KIN: variants seen among roughly 807,000 people sequenced by gnomAD.
KIN encodes DNA/RNA-binding protein KIN17.
A neutral mutation model predicts 63.0 loss-of-function variants in KIN; 47 were observed. The observed-to-expected ratio is 0.75, with a 90% confidence interval of 0.59 to 0.95. KIN has a LOEUF of 0.95. Among genes scored for constraint, KIN ranks in the 40% least tolerant of loss-of-function variants. The probability of loss-of-function intolerance (pLI) is 0.00; values close to 1 mark genes in which losing one functional copy is unlikely to be tolerated. For missense variants in KIN, 408 were observed against 460.9 expected (o/e 0.89, Z 1.05); for synonymous variants, 160 against 157.7 (o/e 1.01, Z -0.11).
At chr10:7,768,553 A>AT (rs1371620908) in intron 8 of KIN, among the ~76,000 whole-genome samples, 23 of 149,360 alleles carry the variant, frequency 1.5e-4, no homozygotes, top group African/African-American at 5.4e-4. Flanking sequence ...AAAAAAAAAC[A>AT]TGTCACAGGT....
rs1243487113 is a variant in KIN at position 7,776,632 on chromosome 10, G to A, written c.559-833C>T. 4.6e-5 allele frequency among the ~76,000 whole-genome samples: 7 copies of A among 151,224 alleles called. No homozygotes were observed. The East Asian group carries it at 1.4e-3, about 29-fold the overall frequency. On this transcript the variant is annotated intron_variant, in intron 5 of 12. Transcript: ENST00000379562. ...TGTAATCCCAGCTACTTGGGAGGCT[G>A]AGACAGGAGAATTGCTTGAACCTGG... is the stretch of plus-strand genomic sequence containing the variant.
intron 5 of KIN, 116 bp downstream of exon 5, chr10:7,778,722 G>C: frequency 9.1e-7 from 1 of 1,093,512 alleles, no homozygotes; most frequent in South Asian, 1.5e-5. Context: ...CTGGGCGGCA[G>C]AGCAAGACTC....
Position 7,751,271 on chromosome 10 carries a change from T to A in KIN, c.*4809A>T, listed in dbSNP as rs1835241060. On this transcript the variant is annotated 3_prime_UTR_variant, in exon 13 of 13. Transcript: ENST00000379562. Reference sequence around the variant, plus strand: ...CTTTTTAAAGGCACATTTTTATGAATCTTCCTTTCCATAATCTGGTAAAAA... The same window carrying A: ...CTTTTTAAAGGCACATTTTTATGAAACTTCCTTTCCATAATCTGGTAAAAA... 6.6e-6 allele frequency: 1 copy of A among 152,250 alleles called. No homozygotes were observed. The allele number at this position is 152,250 out of a possible 1,614,324, so 9.4% of individuals were successfully genotyped here.
In KIN at chr10:7,768,639, C is replaced by A. The variant is rs375385434; in HGVS notation, c.798+577G>T. ...GTAGCAGTTGAAGGAGGGAGGCCAACCATGAAGGACTCCAATTTCTAACTG... is the reference window on the plus strand; with the variant it reads ...GTAGCAGTTGAAGGAGGGAGGCCAAACATGAAGGACTCCAATTTCTAACTG... On this transcript the variant is annotated intron_variant, in intron 8 of 12. Transcript: ENST00000379562. 2.6e-5 allele frequency among the ~76,000 whole-genome samples: 4 copies of A among 152,224 alleles called. No individual in the cohort carries two copies. The South Asian group carries it at 8.3e-4, about 32-fold the overall frequency.
At chr10:7,770,923 T>C (rs79262410) in intron 7 of KIN, among the ~76,000 whole-genome samples, 6,058 of 152,298 alleles carry the variant, frequency 0.04, 147 homozygotes, top group South Asian at 0.06. Context: ...CTATGGAGAA[T>C]TGTAGGTAAG....
At chr10:7,766,592 G>C (rs1482812075) in intron 8 of KIN, among the ~76,000 whole-genome samples, 2 of 152,012 alleles carry the variant, frequency 1.3e-5, no homozygotes, top group Non-Finnish European at 2.9e-5. Flanking sequence ...AGATAAATGA[G>C]AGTGACCAAA....
At chr10:7,780,016 A>T (rs1229838737) in intron 4 of KIN, 40 bp downstream of exon 4, 1 of 1,594,562 alleles carries the variant, frequency 6.3e-7, no homozygotes, top group Non-Finnish European at 8.6e-7. Flanking sequence ...TGAAGATTAG[A>T]AGTGGGAAAG....
chr10:7,770,153 A>T (rs950289042), intron 7 of KIN, among the ~76,000 whole-genome samples: 2 of 151,536 alleles, frequency 1.3e-5, no homozygotes, highest in Non-Finnish European at 2.9e-5. Context: ...CTGGTCTTGA[A>T]CTCTTGACCT....
chr10:7,761,098 G>T (rs556644352), intron 11 of KIN: 1 of 152,242 alleles, frequency 6.6e-6, no homozygotes, highest in East Asian at 1.9e-4. Flanking sequence ...TAGGAGGGAG[G>T]GATTAGAGAG....
intron 9 of KIN, among the ~76,000 whole-genome samples, chr10:7,765,576 T>A (rs1284914721): frequency 6.6e-6 from 1 of 152,172 alleles, no homozygotes; most frequent in Non-Finnish European, 1.5e-5. Context: ...TTTAAAACAA[T>A]AAGCAATAAT....
Position 7,783,089 on chromosome 10 carries a change from A to G in KIN, c.201T>C (p.Tyr67=). ...TTCTTTGAGTTACTTACTCTGAAAA[A>G]TAATCCATAAACTGCTGAGGATTTT... is the stretch of plus-strand genomic sequence containing the variant. The part of the protein sequence containing the change: ...ASENPQQFMD[Y]FSEEFRNDFL... Residue 67 remains tyrosine, a synonymous_variant, in exon 2 of 13, where the codon TAT becomes TAC. Transcript: ENST00000379562. 6.3e-7 allele frequency: 1 copy of G among 1,585,432 alleles called. No homozygotes were observed. Among genetic ancestry groups the G allele is most frequent in the Non-Finnish European group, 8.6e-7 (1 of 1,160,788 alleles).
At chr10:7,775,176 T>G (rs771486707) in intron 6 of KIN, among the ~76,000 whole-genome samples, 1 of 152,190 alleles carries the variant, frequency 6.6e-6, no homozygotes, top group Non-Finnish European at 1.5e-5. Context: ...TCTGTTTAGG[T>G]CTCCACGCCT....
chr10:7,771,922 A>G (rs1291727844), intron 7 of KIN, among the ~76,000 whole-genome samples: 3 of 151,964 alleles, frequency 2.0e-5, no homozygotes, highest in African/African-American at 4.8e-5. Flanking sequence ...GAAAGAAAGA[A>G]AAAGAAAATT....
At chr10:7,784,557 C>T (rs1314494424) in intron 1 of KIN, among the ~76,000 whole-genome samples, 1 of 151,964 alleles carries the variant, frequency 6.6e-6, no homozygotes, top group African/African-American at 2.4e-5. Context: ...CACTGTACTC[C>T]AGTCTGGGCA....
rs767414736 is a variant in KIN, at chr10:7,778,928, C to T, written c.468G>A (p.Glu156=). The T allele has an allele frequency of 1.9e-6, 3 of 1,613,782 alleles. No individual in the cohort carries two copies. The African/African-American group carries it at 4.0e-5, about 22-fold the overall frequency. The change falls in exon 5 of 13, where the codon GAG becomes GAA. Residue 156 remains glutamate, a synonymous_variant. Coordinates refer to ENST00000379562, the MANE Select transcript of KIN (RefSeq NM_012311.4). ...PETIRRQLEL[E]KKKKQDLDDE... is the part of the protein sequence containing the mutation. The stretch of plus-strand genomic sequence containing the variant: ...CATCAAGGTCCTGCTTTTTCTTTTT[C>T]TCCAGTTCCAGTTGCCGGCGGATAG...
Position 7,776,941 on chromosome 10 carries a change from C to T in KIN, c.559-1142G>A, listed in dbSNP as rs1200432285. Among the ~76,000 whole-genome samples, 5 of 149,988 alleles carry T rather than the reference C, an allele frequency of 3.3e-5. No homozygotes were observed. In the Admixed American group the frequency reaches 3.3e-4, roughly 10 times the overall value. On this transcript the variant is annotated intron_variant, in intron 5 of 12. Transcript: ENST00000379562. ...AGGCATTGTGGTGCACACCTATAGT[C>T]CCAGCTACTCATATGAGGCAAGAGG...
chr10:7,761,257 T>C (rs1325673676), intron 11 of KIN: 3 of 152,190 alleles, frequency 2.0e-5, no homozygotes, highest in Admixed American at 2.0e-4. Context: ...TAAATTTTTC[T>C]AATCTGTAAA....
intron 8 of KIN, among the ~76,000 whole-genome samples, chr10:7,768,951 A>G (rs1835609312): frequency 6.6e-6 from 1 of 152,120 alleles, no homozygotes; most frequent in African/African-American, 2.4e-5. Flanking sequence ...TGGGAAGCGG[A>G]GGTTGCAGTG....
chr10:7,783,053 A>C lies in KIN; in HGVS notation c.209+28T>G, dbSNP rs562480870. On this transcript the variant is annotated intron_variant, in intron 2 of 12. Transcript: ENST00000379562. ...AAATGTTCAACTGAATAAAGCCTATAAGATAAAGAGTTCTTTGAGTTACTT... is the reference window on the plus strand; with the variant it reads ...AAATGTTCAACTGAATAAAGCCTATCAGATAAAGAGTTCTTTGAGTTACTT... 111 of 1,219,548 alleles carry C rather than the reference A, an allele frequency of 9.1e-5. No homozygotes were observed. In the East Asian group the frequency reaches 2.5e-3, roughly 28 times the overall value. 75.5% of individuals were successfully genotyped at this position (1,219,548 alleles called of 1,614,324 possible).
Sources: gnomAD v4.1 joint callset for allele counts (sites outside exome capture counted in the v4.1 genomes callset) on GRCh38, gnomAD v4.1.1 for gene constraint, MANE v1.5 for transcripts, NCBI Gene and HGNC (gene_info 2026-07-23, HGNC 2026-07-21) for gene names.